Variants in COL14A1 observed in about 807,000 individuals in gnomAD.
COL14A1 encodes collagen type XIV alpha 1 chain.
A neutral mutation model predicts 230.3 loss-of-function variants in COL14A1; 136 were observed. The observed-to-expected ratio is 0.59, with a 90% CI of 0.51 to 0.68. The LOEUF (loss-of-function observed/expected upper bound fraction) is 0.68. Ranked by LOEUF, COL14A1 falls within the 30% of genes least tolerant of loss-of-function variation. COL14A1 has a pLI of 0.00. For missense variants in COL14A1, 1,976 were observed against 2,215.8 expected (o/e 0.89, Z 2.17); for synonymous variants, 792 against 784.1 (o/e 1.01, Z -0.17).
chr8:120,311,929 C>G (rs6998902), intron 37 of COL14A1, among the ~76,000 whole-genome samples: 1 of 151,876 alleles, frequency 6.6e-6, no homozygotes, highest in African/African-American at 2.4e-5. Context: ...GAAACCCTGT[C>G]TCTACTAAAA....
chr8:120,252,662 G>A (rs1196847536), intron 22 of COL14A1, among the ~76,000 whole-genome samples: 1 of 152,118 alleles, frequency 6.6e-6, no homozygotes, highest in Non-Finnish European at 1.5e-5. Context: ...CAAATTGTGA[G>A]GATTACAGAG....
At chr8:120,263,362 C>T (rs1819400590) in intron 24 of COL14A1, among the ~76,000 whole-genome samples, 1 of 152,102 alleles carries the variant, frequency 6.6e-6, no homozygotes, top group Non-Finnish European at 1.5e-5. Context: ...TTGGCTCTGA[C>T]ATTAAAACAA....
rs1266252899 is a variant in COL14A1 at position 120,371,399 on chromosome 8, A to G, written c.*168A>G. 5.2e-6 allele frequency: 2 copies of G among 388,094 alleles called. No individual in the cohort carries two copies. The highest frequency in any genetic ancestry group is 2.1e-5 in the African/African-American group (1 of 48,386). The allele number at this position is 388,094 out of a possible 1,614,324, so 24.0% of individuals were successfully genotyped here. A position where few individuals can be genotyped will look rare whatever the true frequency, so the allele number is the denominator to read the frequency against. ...ATATTATTATTATTATTAACAAAAA[A>G]TATATATTTTTAAAAAGTTCCCTTA... On this transcript the variant is annotated 3_prime_UTR_variant, in exon 48 of 48. Coordinates refer to ENST00000297848, the MANE Select transcript of COL14A1 (RefSeq NM_021110.4).
intron 1 of COL14A1, among the ~76,000 whole-genome samples, chr8:120,126,755 A>G (rs892753691): frequency 1.3e-5 from 2 of 152,224 alleles, no homozygotes; most frequent in Non-Finnish European, 2.9e-5. Flanking sequence ...AGCATGGTCC[A>G]GTCTGCACAT....
chr8:120,337,401 TAAAAAAAAA>T (rs60418574), intron 42 of COL14A1, among the ~76,000 whole-genome samples: 1 of 129,460 alleles, frequency 7.7e-6, no homozygotes, highest in African/African-American at 2.9e-5. Flanking sequence ...GTCTCAAAAT[TAAAAAAAAA>T]AAAAAAAAGA....
chr8:120,136,385 C>CATATAT lies in COL14A1; in HGVS notation c.-38+11055_-38+11060dup, dbSNP rs35121765. 5.5e-3 allele frequency among the ~76,000 whole-genome samples: 825 copies of CATATAT among 149,348 alleles called. 9 individuals are homozygous for CATATAT. The highest frequency in any genetic ancestry group is 0.017 in the Middle Eastern group (5 of 292). On this transcript the variant is annotated intron_variant, in intron 1 of 47. Transcript: ENST00000297848. Reference sequence around the variant, plus strand: ...ATTACACGCACACACACACACACTACATATATATATATATAAAATCTCATG... The same window carrying CATATAT: ...ATTACACGCACACACACACACACTACATATATATATATATATATATAAAATCTCATG...
chr8:120,213,059 C>A (rs1488191980), intron 13 of COL14A1, among the ~76,000 whole-genome samples: 2 of 152,114 alleles, frequency 1.3e-5, no homozygotes, highest in Non-Finnish European at 2.9e-5. Context: ...TGTTTATTTT[C>A]CACTCATATC....
At chr8:120,219,551 C>G (rs1307539511) in intron 14 of COL14A1, among the ~76,000 whole-genome samples, 1 of 152,172 alleles carries the variant, frequency 6.6e-6, no homozygotes, top group African/African-American at 2.4e-5. Flanking sequence ...AAGGAGCAGA[C>G]AAGCTCCCAT....
At chr8:120,367,064 C>T in intron 45 of COL14A1, 107 bp from the exon 46 acceptor site, 1 of 811,960 alleles carries the variant, frequency 1.2e-6, no homozygotes, top group Non-Finnish European at 1.9e-6. Flanking sequence ...AACGAACCCA[C>T]TTAATTGTCT....
chr8:120,242,394 T>C (rs547234774), intron 19 of COL14A1, among the ~76,000 whole-genome samples: 19 of 152,308 alleles, frequency 1.2e-4, no homozygotes, highest in African/African-American at 4.3e-4. Flanking sequence ...TGTGCTAAAT[T>C]TAATTGGTTA....
chr8:120,280,064 A>G lies in COL14A1; in HGVS notation c.3611A>G (p.Glu1204Gly). 3 of 1,613,796 alleles carry G rather than the reference A, an allele frequency of 1.9e-6. No individual in the cohort carries two copies. Among genetic ancestry groups the G allele is most frequent in the Non-Finnish European group, 2.5e-6 (3 of 1,179,804 alleles). The part of the protein sequence containing the change: ...DFDAFKKIED[E>G]LITFVCETAS... ...GACGCCTTTAAGAAAATCGAAGATG[A>G]GTTAATTACTTTTGTCTGCGAAACA... The change falls in exon 29 of 48, where the codon GAG becomes GGG. Residue 1204 changes from glutamate to glycine, a missense_variant. Glu to Gly is a moderately conservative substitution (Grantham distance 98). This residue lies in a region of COL14A1 where 1,791 missense variants were observed against 2,019.5 expected (regional missense o/e 0.89). Coordinates refer to ENST00000297848, the MANE Select transcript of COL14A1 (RefSeq NM_021110.4).
chr8:120,331,505 A>G (rs1389309623), intron 40 of COL14A1, among the ~76,000 whole-genome samples: 1 of 152,166 alleles, frequency 6.6e-6, no homozygotes, highest in African/African-American at 2.4e-5. Flanking sequence ...ACACATACCT[A>G]TATATTCTAT....
At chr8:120,295,392 G>A (rs1038662428) in intron 34 of COL14A1, among the ~76,000 whole-genome samples, 3 of 151,588 alleles carry the variant, frequency 2.0e-5, no homozygotes, top group South Asian at 2.1e-4. Context: ...TTTCTTCCCC[G>A]GTCCTATTCC....
chr8:120,240,657 T>C (rs1818582997), intron 19 of COL14A1, among the ~76,000 whole-genome samples: 1 of 152,206 alleles, frequency 6.6e-6, no homozygotes, highest in Non-Finnish European at 1.5e-5. Flanking sequence ...GATAAGCTTG[T>C]GTACTGAAGT....
chr8:120,152,104 T>A (rs928652028), intron 2 of COL14A1, among the ~76,000 whole-genome samples: 1 of 152,166 alleles, frequency 6.6e-6, no homozygotes, highest in Non-Finnish European at 1.5e-5. Context: ...AGATAGTACA[T>A]GTCTGTTGTT....
intron 1 of COL14A1, among the ~76,000 whole-genome samples, chr8:120,146,774 C>T (rs771342952): frequency 1.6e-4 from 25 of 151,934 alleles, no homozygotes; most frequent in Non-Finnish European, 3.2e-4. Context: ...TATTTAGTTG[C>T]TTCAGATCCT....
intron 12 of COL14A1, among the ~76,000 whole-genome samples, chr8:120,212,098 G>A (rs1044622447): frequency 6.6e-6 from 1 of 152,188 alleles, no homozygotes; most frequent in African/African-American, 2.4e-5. Flanking sequence ...ACACTGGCCT[G>A]GAGCTCACAG....
Position 120,235,856 on chromosome 8 carries a change from G to T in COL14A1, c.2349+4238G>T, listed in dbSNP as rs138538932. 6.3e-3 allele frequency among the ~76,000 whole-genome samples: 958 copies of T among 152,214 alleles called. 9 individuals carry two copies. The highest frequency in any genetic ancestry group is 0.022 in the African/African-American group (915 of 41,514). On this transcript the variant is annotated intron_variant, in intron 19 of 47. Coordinates refer to ENST00000297848, the MANE Select transcript of COL14A1 (RefSeq NM_021110.4). ...GGTTCCAAAGAACATATTTATTTCT[G>T]CCTTGATTTTGTTATGTACCCAGTA... is the stretch of plus-strand genomic sequence containing the variant.
intron 45 of COL14A1, among the ~76,000 whole-genome samples, chr8:120,354,972 A>G (rs1183395201): frequency 1.3e-5 from 2 of 152,126 alleles, no homozygotes; most frequent in Non-Finnish European, 2.9e-5. Flanking sequence ...TAAACCCTGT[A>G]CTGTCTTCAT....
Sources: allele counts gnomAD v4.1 joint callset (sites outside exome capture counted in the v4.1 genomes callset), GRCh38; gene constraint gnomAD v4.1.1; regional missense constraint gnomAD v4.1.1; transcripts MANE v1.5; gene names NCBI Gene and HGNC (gene_info 2026-07-23, HGNC 2026-07-21).